CDH13: variants seen among roughly 807,000 people sequenced by gnomAD.
CDH13 encodes cadherin 13.
Under a neutral mutation model 63.8 loss-of-function variants are expected in CDH13, and 24 were observed. That is an observed-to-expected ratio of 0.38 (90% CI 0.27 to 0.53). The LOEUF is 0.53. CDH13 is among the 20% of genes least tolerant of loss of function. The pLI is 0.85. For synonymous variants in CDH13, 503 were observed against 355.3 expected, an observed-to-expected ratio of 1.42 and a Z score of -4.67; for missense variants, 1,049 against 903.1, an observed-to-expected ratio of 1.16 and a Z score of -2.07.
intron 1 of CDH13, among the ~76,000 whole-genome samples, chr16:82,648,170 G>A (rs886624736): frequency 6.6e-6 from 1 of 152,142 alleles, no homozygotes; most frequent in African/African-American, 2.4e-5. Context: ...TTTCATCATA[G>A]CAGTTTGAAA....
chr16:83,226,618 G>T (rs1174755464), intron 5 of CDH13, among the ~76,000 whole-genome samples: 1 of 152,158 alleles, frequency 6.6e-6, no homozygotes, highest in Non-Finnish European at 1.5e-5. Context: ...TCATCATGCT[G>T]ATTCTTCAAA....
chr16:83,017,049 C>T (rs1914876493), intron 2 of CDH13, among the ~76,000 whole-genome samples: 2 of 152,182 alleles, frequency 1.3e-5, no homozygotes, highest in African/African-American at 4.8e-5. Context: ...AAGTTATAGA[C>T]AGATCAATGA....
intron 5 of CDH13, among the ~76,000 whole-genome samples, chr16:83,281,083 T>C (rs2089156790): frequency 6.6e-6 from 1 of 152,210 alleles, no homozygotes; most frequent in Non-Finnish European, 1.5e-5. Flanking sequence ...AGGCATTGAC[T>C]TAATCTCTAG....
At chr16:83,283,484 G>C (rs146718448) in intron 5 of CDH13, among the ~76,000 whole-genome samples, 28,166 of 152,122 alleles carry the variant, frequency 0.19, 2,814 homozygotes, top group Middle Eastern at 0.24. Context: ...CCAACTACTT[G>C]GGAGGCTGAG....
chr16:83,716,833 T>TAAA, intron 10 of CDH13, among the ~76,000 whole-genome samples: 1 of 152,308 alleles, frequency 6.6e-6, no homozygotes, highest in East Asian at 1.9e-4. Context: ...CCAGTCCTTT[T>TAAA]CATTCTCTCT....
intron 1 of CDH13, among the ~76,000 whole-genome samples, chr16:82,676,440 C>G (rs1270154283): frequency 6.7e-6 from 1 of 149,578 alleles, no homozygotes; most frequent in Non-Finnish European, 1.5e-5. Context: ...CCATCCAGTT[C>G]TCTCCCTCTC....
At chr16:82,697,720 A>G (rs2056381075) in intron 1 of CDH13, among the ~76,000 whole-genome samples, 1 of 149,808 alleles carries the variant, frequency 6.7e-6, no homozygotes, top group Non-Finnish European at 1.5e-5. Flanking sequence ...GAGCCACCGC[A>G]CCTGGCTGGG....
chr16:83,681,086 C>G (rs1469890195), intron 10 of CDH13, among the ~76,000 whole-genome samples: 1 of 151,784 alleles, frequency 6.6e-6, no homozygotes, highest in Non-Finnish European at 1.5e-5. Flanking sequence ...CTCTCTGAAC[C>G]AAGCAGAAGA....
At chr16:83,250,534 C>T (rs1055966909) in intron 5 of CDH13, among the ~76,000 whole-genome samples, 20 of 152,210 alleles carry the variant, frequency 1.3e-4, no homozygotes, top group African/African-American at 3.9e-4. Context: ...GAGAAGCGAG[C>T]GTTCATAAGG....
rs548732106 is a variant in CDH13 at position 83,244,909 on chromosome 16, C to G, written c.636+27412C>G. On this transcript the variant is annotated intron_variant, in intron 5 of 13. Transcript: ENST00000567109. Reference sequence around the variant, plus strand: ...ACCCTTTGCCTGATAGGTTCCAAATCCCTGACCTCCAGAAGGAAAAACGGT... The same window carrying G: ...ACCCTTTGCCTGATAGGTTCCAAATGCCTGACCTCCAGAAGGAAAAACGGT... Among the ~76,000 whole-genome samples the G allele has an allele frequency of 3.3e-5, 5 of 152,212 alleles. No homozygotes were observed. In the South Asian group the frequency reaches 1.0e-3, roughly 32 times the overall value.
chr16:83,777,620 C>G (rs1915213079), intron 11 of CDH13, among the ~76,000 whole-genome samples: 1 of 152,200 alleles, frequency 6.6e-6, no homozygotes, highest in African/African-American at 2.4e-5. Flanking sequence ...CTGCCATGAC[C>G]TGCGCCAAGG....
At chr16:83,773,274 A>C (rs1567586317) in intron 11 of CDH13, among the ~76,000 whole-genome samples, 1 of 152,190 alleles carries the variant, frequency 6.6e-6, no homozygotes, top group Non-Finnish European at 1.5e-5. Flanking sequence ...GCTTCAAGAA[A>C]AGAGAAGTCA....
chr16:83,635,025 A>G (rs1410350054), intron 8 of CDH13, among the ~76,000 whole-genome samples: 1 of 152,134 alleles, frequency 6.6e-6, no homozygotes, highest in Non-Finnish European at 1.5e-5. Flanking sequence ...AACCATTTTC[A>G]TCCTTATCAG....
intron 7 of CDH13, among the ~76,000 whole-genome samples, chr16:83,599,237 G>C (rs1171754887): frequency 6.6e-6 from 1 of 152,200 alleles, no homozygotes. Context: ...GGAAGTTGAA[G>C]AATGAATGCT....
chr16:83,315,177 C>G (rs991393812), intron 5 of CDH13, among the ~76,000 whole-genome samples: 1 of 152,318 alleles, frequency 6.6e-6, no homozygotes, highest in South Asian at 2.1e-4. Context: ...TTATCCTAAG[C>G]TCATATGTGG....
At chr16:83,586,544 C>T (rs1347299114) in intron 7 of CDH13, among the ~76,000 whole-genome samples, 2 of 152,204 alleles carry the variant, frequency 1.3e-5, no homozygotes, top group Non-Finnish European at 2.9e-5. Context: ...TAAGTCGTAA[C>T]ATCTGACTTG....
chr16:82,892,365 T>A (rs529178984), intron 2 of CDH13, among the ~76,000 whole-genome samples: 1 of 152,206 alleles, frequency 6.6e-6, no homozygotes, highest in Admixed American at 6.5e-5. Context: ...TCACCAACAT[T>A]GGTTCGGGAT....
chr16:82,788,465 C>G (rs558305475), intron 1 of CDH13, among the ~76,000 whole-genome samples: 1 of 151,802 alleles, frequency 6.6e-6, no homozygotes, highest in South Asian at 2.1e-4. Context: ...CAGCGTCACT[C>G]TCAGAAGACC....
chr16:83,765,092 A>G (rs1054043762), intron 11 of CDH13, among the ~76,000 whole-genome samples: 2 of 152,204 alleles, frequency 1.3e-5, no homozygotes, highest in Non-Finnish European at 1.5e-5. Flanking sequence ...GTATTTTATT[A>G]TCACCTCTCT....
Sources: allele counts gnomAD v4.1 joint callset (sites outside exome capture counted in the v4.1 genomes callset), GRCh38; gene constraint gnomAD v4.1.1; transcripts MANE v1.5; gene names NCBI Gene and HGNC (gene_info 2026-07-23, HGNC 2026-07-21).